The following SHOC1 variants were observed in gnomAD, a reference collection of about 807,000 sequenced individuals.
SHOC1 encodes shortage in chiasmata 1, also known as protein shortage in chiasmata 1 ortholog.
In SHOC1, 136 loss-of-function variants were observed where a neutral mutation model predicts 179.2. That is an observed-to-expected ratio of 0.76 (90% CI 0.66 to 0.87). SHOC1 has a LOEUF of 0.87. Among genes scored for constraint, SHOC1 ranks in the 40% least tolerant of loss-of-function variants. SHOC1 has a pLI of 0.00. For synonymous variants in SHOC1, 489 were observed against 586.6 expected, an observed-to-expected ratio of 0.83 and a Z score of 2.41; for missense variants, 1,538 against 1,700.8, an observed-to-expected ratio of 0.90 and a Z score of 1.68.
At chr9:111,764,661 G>A (rs1196348179) in intron 5 of SHOC1, among the ~76,000 whole-genome samples, 1 of 152,120 alleles carries the variant, frequency 6.6e-6, no homozygotes, top group East Asian at 1.9e-4. Flanking sequence ...TTCATGGTGA[G>A]AGGTCAATAT....
intron 24 of SHOC1, among the ~76,000 whole-genome samples, chr9:111,695,095 A>G (rs1330715374): frequency 6.6e-6 from 1 of 151,964 alleles, no homozygotes; most frequent in African/African-American, 2.4e-5. Flanking sequence ...TGAAATGTCA[A>G]CCTTCTTTTT....
chr9:111,728,258 G>T (rs7030655), intron 12 of SHOC1, among the ~76,000 whole-genome samples: 34,411 of 151,956 alleles, frequency 0.23, 4,919 homozygotes, highest in East Asian at 0.35. Context: ...TCTTACTATA[G>T]GAGCTAGTTT....
rs1832700772 is a variant in SHOC1 at position 111,714,532 on chromosome 9, A to G, written c.2328T>C (p.Ile776=). ...IWRQLEIVQF[I]RGKKPETNYK... is the part of the protein sequence containing the mutation. ...AGTTGGTTTCAGGCTTTTTCCCCCT[A>G]ATAAACTGTACAATCTCCAGCTGTC... The change falls in exon 17 of 28, where the codon ATT becomes ATC. Residue 776 remains isoleucine, a synonymous_variant. Transcript: ENST00000682961. 4.3e-6 allele frequency: 7 copies of G among 1,613,814 alleles called. No individual in the cohort carries two copies. Among genetic ancestry groups the G allele is most frequent in the Non-Finnish European group, 5.9e-6 (7 of 1,179,938 alleles).
At chr9:111,723,470 A>T (rs4979042) in intron 14 of SHOC1, among the ~76,000 whole-genome samples, 1 of 151,960 alleles carries the variant, frequency 6.6e-6, no homozygotes, top group Non-Finnish European at 1.5e-5. Context: ...GAACAGAGAG[A>T]GCATGATTAG....
Position 111,786,038 on chromosome 9 carries a change from G to A in SHOC1, c.46-3C>T. ...TAAAACTTCTTTCTAACCACATTCTGTGGAAGAAAGAAAGATTAGAAAATC... is the reference window on the plus strand; with the variant it reads ...TAAAACTTCTTTCTAACCACATTCTATGGAAGAAAGAAAGATTAGAAAATC... On this transcript the variant is annotated splice_region_variant and splice_polypyrimidine_tract_variant and intron_variant, in intron 2 of 27. Transcript: ENST00000682961. The A allele has an allele frequency of 6.8e-7, 1 of 1,473,116 alleles. No homozygotes were observed. The highest frequency in any genetic ancestry group is 9.0e-7 in the Non-Finnish European group (1 of 1,114,598). The allele number at this position is 1,473,116 out of a possible 1,614,324, so 91.3% of individuals were successfully genotyped here.
At chr9:111,719,469 G>A (rs1832939152) in intron 15 of SHOC1, among the ~76,000 whole-genome samples, 1 of 152,126 alleles carries the variant, frequency 6.6e-6, no homozygotes, top group African/African-American at 2.4e-5. Context: ...TCTGCTCAAT[G>A]ATGTTCAAAA....
chr9:111,728,674 T>C (rs1050139163), intron 12 of SHOC1, among the ~76,000 whole-genome samples: 2 of 152,078 alleles, frequency 1.3e-5, no homozygotes, highest in Non-Finnish European at 2.9e-5. Flanking sequence ...CTGAGTAAAA[T>C]GGGGAGTGAC....
At chr9:111,722,684 A>C in intron 14 of SHOC1, 99 bp from the exon 15 acceptor site, 1 of 905,136 alleles carries the variant, frequency 1.1e-6, no homozygotes, top group Non-Finnish European at 1.6e-6. Context: ...CCGAACTTCT[A>C]TCTGAATTAT....
At chr9:111,733,894 A>G (rs886965981) in intron 12 of SHOC1, among the ~76,000 whole-genome samples, 1 of 152,108 alleles carries the variant, frequency 6.6e-6, no homozygotes, top group Non-Finnish European at 1.5e-5. Flanking sequence ...TTAAAACACC[A>G]TATGAGTCAA....
At chr9:111,710,395 C>T (rs1832487085) in intron 18 of SHOC1, among the ~76,000 whole-genome samples, 1 of 152,194 alleles carries the variant, frequency 6.6e-6, no homozygotes, top group South Asian at 2.1e-4. Context: ...CTTCCTGCAC[C>T]GATGAGCAGA....
chr9:111,696,310 T>A (rs1831686928), intron 24 of SHOC1, among the ~76,000 whole-genome samples: 1 of 152,194 alleles, frequency 6.6e-6, no homozygotes, highest in Admixed American at 6.5e-5. Context: ...GTGCTAATGG[T>A]CCTGATGTGC....
At chr9:111,716,602 G>A (rs1832804849) in intron 16 of SHOC1, among the ~76,000 whole-genome samples, 1 of 151,976 alleles carries the variant, frequency 6.6e-6, no homozygotes, top group African/African-American at 2.4e-5. Context: ...TGTTGGCCAG[G>A]CTGGTTTTGA....
intron 22 of SHOC1, among the ~76,000 whole-genome samples, chr9:111,703,237 T>C (rs1358344253): frequency 6.6e-6 from 1 of 152,222 alleles, no homozygotes; most frequent in Non-Finnish European, 1.5e-5. Context: ...ATATAATTCT[T>C]ATAACATTTG....
At chr9:111,726,533 G>A (rs528865111) in intron 13 of SHOC1, among the ~76,000 whole-genome samples, 1 of 152,158 alleles carries the variant, frequency 6.6e-6, no homozygotes, top group African/African-American at 2.4e-5. Flanking sequence ...AAAGTTCTGG[G>A]ATTAGAGGTG....
chr9:111,769,986 G>GTTTTTTTTTTT (rs769266659), intron 5 of SHOC1, among the ~76,000 whole-genome samples: 450 of 77,508 alleles, frequency 5.8e-3, no homozygotes, highest in Middle Eastern at 7.4e-3. Context: ...TTTTTTTTTT[G>GTTTTTTTTTTT]TTTTTTTTTT....
chr9:111,750,084 G>C (rs1161585315), intron 8 of SHOC1, among the ~76,000 whole-genome samples: 1 of 152,014 alleles, frequency 6.6e-6, no homozygotes, highest in East Asian at 1.9e-4. Context: ...TCTGCTTCTA[G>C]GTCTTTGAGG....
intron 3 of SHOC1, among the ~76,000 whole-genome samples, chr9:111,783,881 T>C (rs146135662): frequency 6.6e-6 from 1 of 152,250 alleles, no homozygotes; most frequent in Non-Finnish European, 1.5e-5. Context: ...CCAGGGCAAA[T>C]GAAGTCTTCA....
intron 10 of SHOC1, 67 bp downstream of exon 10, chr9:111,746,167 G>T: frequency 1.9e-6 from 2 of 1,064,840 alleles, no homozygotes; most frequent in Non-Finnish European, 2.8e-6. Context: ...CTTTTATATG[G>T]AGAGATTTAA....
At chr9:111,776,312 A>G (rs980646073) in intron 4 of SHOC1, among the ~76,000 whole-genome samples, 5 of 152,240 alleles carry the variant, frequency 3.3e-5, no homozygotes, top group African/African-American at 1.2e-4. Flanking sequence ...AATTTATTCA[A>G]CCAATTCTCT....
Sources: allele counts gnomAD v4.1 joint callset (sites outside exome capture counted in the v4.1 genomes callset), GRCh38; gene constraint gnomAD v4.1.1; transcripts MANE v1.5; gene names NCBI Gene and HGNC (gene_info 2026-07-23, HGNC 2026-07-21).